ZNF207: variants seen among roughly 807,000 people sequenced by gnomAD.
ZNF207 encodes the protein BUB3-interacting and GLEBS motif-containing protein ZNF207.
Under a neutral mutation model 60.2 loss-of-function variants are expected in ZNF207, and 24 were observed. The observed-to-expected ratio is 0.40, with a 90% confidence interval of 0.29 to 0.56. ZNF207 has a LOEUF of 0.56. ZNF207 is among the 20% of genes least tolerant of loss of function. ZNF207 has a pLI of 0.49. For missense variants in ZNF207, 452 were observed against 636.6 expected (o/e 0.71, Z 3.12); for synonymous variants, 236 against 194.7 (o/e 1.21, Z -1.77).
Position 32,350,169 on chromosome 17 carries a change from G to A in ZNF207, c.-117G>A, listed in dbSNP as rs2041474354. On this transcript the variant is annotated 5_prime_UTR_variant, in exon 1 of 12. It adds an upstream start codon to the 5' untranslated region. Transcript: ENST00000394670. Reference sequence around the variant, plus strand: ...GGGGAACGAGGCCGTCGGCCATTTTGTGTCTGCTTCCTGTGGGACGTGGTG... The same window carrying A: ...GGGGAACGAGGCCGTCGGCCATTTTATGTCTGCTTCCTGTGGGACGTGGTG... 6.6e-7 allele frequency: 1 copy of A among 1,525,682 alleles called. No individual in the cohort carries two copies. The highest frequency in any genetic ancestry group is 1.7e-4 in the Middle Eastern group (1 of 5,792). The allele number at this position is 1,525,682 out of a possible 1,614,324, so 94.5% of individuals were successfully genotyped here.
Position 32,376,029 on chromosome 17 carries a change from G to C in ZNF207, c.*6270G>C, listed in dbSNP as rs1044527083. The stretch of plus-strand genomic sequence containing the variant: ...TGTTTTTATAGCAAAGAAATCATCT[G>C]ACTTTTCTGTGTGATGTTTCTTGGC... On this transcript the variant is annotated 3_prime_UTR_variant, in exon 12 of 12. Coordinates refer to ENST00000394670, the MANE Select transcript of ZNF207 (RefSeq NM_001098507.2). 6.6e-6 allele frequency: 1 copy of C among 151,918 alleles called. No homozygotes were observed. The highest frequency in any genetic ancestry group is 2.4e-5 in the African/African-American group (1 of 41,376). 9.4% of individuals were successfully genotyped at this position (151,918 alleles called of 1,614,324 possible).
At chr17:32,362,617 T>G in intron 6 of ZNF207, 6 of 237,686 alleles carry the variant, frequency 2.5e-5, no homozygotes, top group Non-Finnish European at 3.2e-5. Context: ...CCATTACACA[T>G]ATTTTAGATG....
intron 3 of ZNF207, among the ~76,000 whole-genome samples, chr17:32,359,948 T>C (rs1051583915): frequency 1.3e-5 from 2 of 152,144 alleles, no homozygotes; most frequent in Non-Finnish European, 2.9e-5. Flanking sequence ...ATGATAGATT[T>C]ATTTGGAATT....
chr17:32,352,965 A>C (rs2041533230), intron 2 of ZNF207, among the ~76,000 whole-genome samples: 1 of 152,180 alleles, frequency 6.6e-6, no homozygotes, highest in Admixed American at 6.5e-5. Context: ...TCACAAGGTC[A>C]GGAGTTCAAG....
chr17:32,368,252 AGACAG>A, intron 10 of ZNF207: 1 of 548,556 alleles, frequency 1.8e-6, no homozygotes, highest in Non-Finnish European at 3.2e-6. Flanking sequence ...TTCTAAAAGA[AGACAG>A]TAAGTCAGGT....
chr17:32,361,487 T>TA lies in ZNF207; in HGVS notation c.572dup (p.Tyr191Ter). 1 of 1,608,412 alleles carries TA rather than the reference T, an allele frequency of 6.2e-7. No individual in the cohort carries two copies. The highest frequency in any genetic ancestry group is 8.5e-7 in the Non-Finnish European group (1 of 1,177,218). ...TCACAGATTGCATCATCAGAGAAAA[T>TA]ACACCCAGTCATTTTGCGGTGAAAA... ...MPPGLHHQRK[Y>*]TQSFCGENIM... The change falls in exon 6 of 12, where the codon TAC becomes TAAC. Residue 191 changes from tyrosine (Y) to a stop codon, truncating the protein, a stop_gained and frameshift_variant. Coordinates refer to ENST00000394670, the MANE Select transcript of ZNF207 (RefSeq NM_001098507.2). LOFTEE classifies it high-confidence loss of function.
chr17:32,373,223 C>T lies in ZNF207; in HGVS notation c.*3464C>T. ...CTTAATTAATTGGGGAGGGGGATTC[C>T]CCAACAAAAAGAAGTACGGGCTCAG... On this transcript the variant is annotated 3_prime_UTR_variant, in exon 12 of 12. Transcript: ENST00000394670. 1 of 449,906 alleles carries T rather than the reference C, an allele frequency of 2.2e-6. No individual in the cohort carries two copies. Among genetic ancestry groups the T allele is most frequent in the Admixed American group, 3.6e-5 (1 of 27,864 alleles). The allele number at this position is 449,906 out of a possible 1,614,324, so 27.9% of individuals were successfully genotyped here.
At position 32,373,933 on chromosome 17, in the gene ZNF207, AT is replaced by A. The variant is rs2150806473; in HGVS notation, c.*4175del. 6.6e-6 allele frequency: 1 copy of A among 152,324 alleles called. No homozygotes were observed. The highest frequency in any genetic ancestry group is 2.1e-4 in the South Asian group (1 of 4,826). 9.4% of individuals were successfully genotyped at this position (152,324 alleles called of 1,614,324 possible). On this transcript the variant is annotated 3_prime_UTR_variant, in exon 12 of 12. Coordinates refer to ENST00000394670, the MANE Select transcript of ZNF207 (RefSeq NM_001098507.2). ...TTTTTTGAGACGGAGTTTCACTCTT[AT>A]CACCCAGGATGGAGTGCAGTGGTGC... is the stretch of plus-strand genomic sequence containing the variant.
intron 3 of ZNF207, among the ~76,000 whole-genome samples, chr17:32,360,176 A>ACCCCC (rs34129815): frequency 1.7e-5 from 1 of 58,976 alleles, no homozygotes; most frequent in African/African-American, 7.5e-5. Flanking sequence ...CCTCACCTTT[A>ACCCCC]CCCCCCCCCC....
At chr17:32,358,686 A>ATTTT in intron 3 of ZNF207, 45 bp downstream of exon 3, 1 of 1,038,410 alleles carries the variant, frequency 9.6e-7, no homozygotes, top group Non-Finnish European at 1.3e-6. Flanking sequence ...ATTTTTTTTA[A>ATTTT]TTTTTTTTTT....
rs10525886 is a variant in ZNF207 at position 32,367,239 on chromosome 17, T to TTATATATATATATA, written c.922-500_922-487dup. Among the ~76,000 whole-genome samples, 52 of 32,162 alleles carry TTATATATATATATA rather than the reference T, an allele frequency of 1.6e-3. 2 individuals are homozygous for TTATATATATATATA. The highest frequency in any genetic ancestry group is 2.4e-3 in the Non-Finnish European group (34 of 14,388). The allele number at this position is 32,162 out of a possible 152,430, so 21.1% of individuals were successfully genotyped here. A position where few individuals can be genotyped will look rare whatever the true frequency, so the allele number is the denominator to read the frequency against. ...CCAGCCATTGTTAATTTGGAGGGGA[T>TTATATATATATATA]TATATATATATATATATATATATAT... On this transcript the variant is annotated intron_variant, in intron 9 of 11. Coordinates refer to ENST00000394670, the MANE Select transcript of ZNF207 (RefSeq NM_001098507.2).
At chr17:32,360,847 CTCTTTAATATTTGT>C (rs1175418746) in intron 4 of ZNF207, 31 bp from the exon 5 acceptor site, 1 of 1,612,520 alleles carries the variant, frequency 6.2e-7, no homozygotes, top group Non-Finnish European at 8.5e-7. Flanking sequence ...TTCCCTCTAA[CTCTTTAATATTTGT>C]TATTATTTTG....
chr17:32,354,652 G>A (rs920196193), intron 2 of ZNF207, among the ~76,000 whole-genome samples: 5 of 150,770 alleles, frequency 3.3e-5, no homozygotes, highest in Admixed American at 6.6e-5. Context: ...AGTCTCTTTC[G>A]TCCAGGCTGG....
rs1399142824 is a variant in ZNF207 at position 32,374,249 on chromosome 17, G to T, written c.*4490G>T. ...TTTTTTTTTTTTTTGAGACTGTCTC[G>T]CTGTGTCACCCAGGCCAGAGTGCAG... On this transcript the variant is annotated 3_prime_UTR_variant, in exon 12 of 12. Coordinates refer to ENST00000394670, the MANE Select transcript of ZNF207 (RefSeq NM_001098507.2). The T allele has an allele frequency of 2.0e-5, 2 of 99,906 alleles. No individual in the cohort carries two copies. The highest frequency in any genetic ancestry group is 4.1e-5 in the African/African-American group (1 of 24,332). The allele number at this position is 99,906 out of a possible 1,614,324, so 6.2% of individuals were successfully genotyped here. A position where few individuals can be genotyped will look rare whatever the true frequency, so the allele number is the denominator to read the frequency against.
chr17:32,359,205 C>T (rs1330036430), intron 3 of ZNF207, among the ~76,000 whole-genome samples: 1 of 152,164 alleles, frequency 6.6e-6, no homozygotes, highest in African/African-American at 2.4e-5. Flanking sequence ...CTCCGCTTCC[C>T]AGGTTCAAGC....
chr17:32,380,087 G>C lies in ZNF207; in HGVS notation c.*10328G>C, dbSNP rs753795345. The C allele has an allele frequency of 2.0e-5, 3 of 152,540 alleles. No individual in the cohort carries two copies. Among genetic ancestry groups the C allele is most frequent in the Non-Finnish European group, 4.4e-5 (3 of 68,008 alleles). The allele number at this position is 152,540 out of a possible 1,614,324, so 9.4% of individuals were successfully genotyped here. Reference sequence around the variant, plus strand: ...TGTGGCAATGCATTCTTCTAGATAAGCACTAAACAAAGTATGGACCCTCAA... The same window carrying C: ...TGTGGCAATGCATTCTTCTAGATAACCACTAAACAAAGTATGGACCCTCAA... On this transcript the variant is annotated 3_prime_UTR_variant, in exon 12 of 12. Transcript: ENST00000394670.
At chr17:32,352,032 A>G (rs940405794) in intron 2 of ZNF207, 120 bp downstream of exon 2, 24 of 965,762 alleles carry the variant, frequency 2.5e-5, no homozygotes, top group Non-Finnish European at 3.3e-5. Context: ...CAGTGGTGCA[A>G]TCTCGGCCCA....
Position 32,374,948 on chromosome 17 carries a change from CGT to C in ZNF207, c.*5194_*5195del, listed in dbSNP as rs1378318207. 2 of 152,088 alleles carry C rather than the reference CGT, an allele frequency of 1.3e-5. No homozygotes were observed. The highest frequency in any genetic ancestry group is 1.3e-4 in the Admixed American group (2 of 15,262). The allele number at this position is 152,088 out of a possible 1,614,324, so 9.4% of individuals were successfully genotyped here. On this transcript the variant is annotated 3_prime_UTR_variant, in exon 12 of 12. Transcript: ENST00000394670. ...TTTATTTGGTGAGAAAAGTTGTGTG[CGT>C]GTGTTTGTTGTAGGGAATAATTAGG...
intron 10 of ZNF207, 198 bp from the exon 11 acceptor site, chr17:32,369,097 G>A: frequency 3.8e-6 from 2 of 530,076 alleles, no homozygotes; most frequent in Non-Finnish European, 6.5e-6. Flanking sequence ...CATGCTTCAA[G>A]TTTACAAATA....
Sources: gnomAD v4.1 joint callset for allele counts (sites outside exome capture counted in the v4.1 genomes callset) on GRCh38, gnomAD v4.1.1 for gene constraint, MANE v1.5 for transcripts, NCBI Gene and HGNC (gene_info 2026-07-23, HGNC 2026-07-21) for gene names.